The following SPATA6 variants were observed in gnomAD, a reference collection of about 807,000 sequenced individuals.
SPATA6 encodes the protein spermatogenesis associated 6.
A neutral mutation model predicts 65.3 loss-of-function variants in SPATA6; 56 were observed. That is an observed-to-expected ratio of 0.86 (90% confidence interval 0.69 to 1.07). The LOEUF is 1.07. Among genes scored for constraint, SPATA6 ranks in the 50% least tolerant of loss-of-function variants. The probability of loss-of-function intolerance (pLI) is 0.00; values close to 1 mark genes in which losing one functional copy is unlikely to be tolerated. For synonymous variants in SPATA6, 199 were observed against 213.2 expected (o/e 0.93, Z 0.58); for missense variants, 590 against 594.8 (o/e 0.99, Z 0.08).
chr1:48,319,009 T>A (rs1000963973), intron 11 of SPATA6, among the ~76,000 whole-genome samples: 1 of 152,080 alleles, frequency 6.6e-6, no homozygotes, highest in African/African-American at 2.4e-5. Context: ...CCAAGACAAT[T>A]CAATGGGGGA....
chr1:48,338,459 T>C (rs1434221236), intron 11 of SPATA6, among the ~76,000 whole-genome samples: 1 of 152,070 alleles, frequency 6.6e-6, no homozygotes, highest in Non-Finnish European at 1.5e-5. Context: ...TCACGATACT[T>C]AAGAGATAAG....
At chr1:48,377,355 T>C (rs1347094579) in intron 9 of SPATA6, among the ~76,000 whole-genome samples, 2 of 152,214 alleles carry the variant, frequency 1.3e-5, no homozygotes, top group Non-Finnish European at 2.9e-5. Flanking sequence ...TACCTATTCA[T>C]GTCTTTACTT....
At chr1:48,309,761 G>A (rs942197789) in intron 11 of SPATA6, among the ~76,000 whole-genome samples, 1 of 152,062 alleles carries the variant, frequency 6.6e-6, no homozygotes, top group African/African-American at 2.4e-5. Context: ...ATTCCTTTTT[G>A]TGGGTGATCA....
intron 3 of SPATA6, among the ~76,000 whole-genome samples, chr1:48,447,356 T>G (rs1018167279): frequency 6.6e-6 from 1 of 152,002 alleles, no homozygotes; most frequent in Non-Finnish European, 1.5e-5. Context: ...CCATGTCTAC[T>G]AAAAATACAA....
At chr1:48,407,269 G>T (rs572067555) in intron 5 of SPATA6, among the ~76,000 whole-genome samples, 31 of 152,222 alleles carry the variant, frequency 2.0e-4, no homozygotes, top group African/African-American at 7.2e-4. Context: ...CTTTTGGCTG[G>T]GCTCTCACTG....
chr1:48,387,467 C>T (rs1275314763), intron 8 of SPATA6, among the ~76,000 whole-genome samples: 1 of 152,194 alleles, frequency 6.6e-6, no homozygotes, highest in African/African-American at 2.4e-5. Context: ...TGCTCCCCAC[C>T]TGCCAGCTAG....
At chr1:48,463,442 T>C (rs534012545) in intron 1 of SPATA6, among the ~76,000 whole-genome samples, 48 of 152,268 alleles carry the variant, frequency 3.2e-4, no homozygotes, top group Admixed American at 1.5e-3. Flanking sequence ...GTTCATAAGC[T>C]AAAGTAGAAA....
chr1:48,431,131 C>A (rs922647236), intron 3 of SPATA6, among the ~76,000 whole-genome samples: 12 of 151,850 alleles, frequency 7.9e-5, no homozygotes, highest in Non-Finnish European at 1.8e-4. Flanking sequence ...ATACTAATAT[C>A]AGACAAAATA....
intron 3 of SPATA6, among the ~76,000 whole-genome samples, chr1:48,423,173 T>A (rs1466432412): frequency 6.6e-6 from 1 of 152,126 alleles, no homozygotes; most frequent in African/African-American, 2.4e-5. Context: ...GTCAGAAAAG[T>A]AGGCCGGGCA....
chr1:48,366,921 T>C (rs1160771230), intron 9 of SPATA6, among the ~76,000 whole-genome samples: 1 of 152,246 alleles, frequency 6.6e-6, no homozygotes, highest in East Asian at 1.9e-4. Flanking sequence ...CTGCTTTGTC[T>C]TGTGGGCATT....
Position 48,451,499 on chromosome 1 carries a change from T to A in SPATA6, c.238+53A>T, listed in dbSNP as rs1275644634. On this transcript the variant is annotated intron_variant, in intron 3 of 12. Transcript: ENST00000371847. Reference sequence around the variant, plus strand: ...AACCCAAGATTAAAGATCATAAGGATAATAAATCCTAAAATGTCTTAGAAT... The same window carrying A: ...AACCCAAGATTAAAGATCATAAGGAAAATAAATCCTAAAATGTCTTAGAAT... 4.6e-6 allele frequency: 7 copies of A among 1,535,502 alleles called. No individual in the cohort carries two copies. In the Admixed American group the frequency reaches 1.3e-4, roughly 28 times the overall value.
intron 11 of SPATA6, among the ~76,000 whole-genome samples, chr1:48,347,029 C>T (rs1646383624): frequency 6.6e-6 from 1 of 151,846 alleles, no homozygotes; most frequent in Non-Finnish European, 1.5e-5. Flanking sequence ...GCAAAAAGAA[C>T]AAAGTCAGAG....
At chr1:48,322,366 A>G (rs765479995) in intron 11 of SPATA6, among the ~76,000 whole-genome samples, 19 of 152,190 alleles carry the variant, frequency 1.2e-4, no homozygotes, top group Non-Finnish European at 2.6e-4. Context: ...GGCTAGCCAT[A>G]TGCAGAAAGA....
At chr1:48,388,847 T>G (rs1649763047) in intron 8 of SPATA6, among the ~76,000 whole-genome samples, 1 of 152,184 alleles carries the variant, frequency 6.6e-6, no homozygotes, top group Non-Finnish European at 1.5e-5. Flanking sequence ...TAGCTGGGAT[T>G]AGAGGCATGT....
At chr1:48,356,970 A>C (rs889778003) in intron 10 of SPATA6, among the ~76,000 whole-genome samples, 16 of 152,198 alleles carry the variant, frequency 1.1e-4, no homozygotes, top group African/African-American at 3.9e-4. Context: ...AAAATACATT[A>C]GCAGACTTTG....
intron 10 of SPATA6, 40 bp downstream of exon 10, chr1:48,359,546 T>C (rs1445887000): frequency 1.3e-6 from 2 of 1,567,072 alleles, no homozygotes; most frequent in Non-Finnish European, 1.7e-6. Flanking sequence ...ATACTTATTA[T>C]TCAAAGATCA....
At chr1:48,353,581 A>G (rs1646574101) in intron 11 of SPATA6, among the ~76,000 whole-genome samples, 1 of 151,966 alleles carries the variant, frequency 6.6e-6, no homozygotes. Flanking sequence ...TATACTGTGA[A>G]ACAAGGAATA....
At chr1:48,316,864 C>T (rs565718674) in intron 11 of SPATA6, among the ~76,000 whole-genome samples, 1 of 152,184 alleles carries the variant, frequency 6.6e-6, no homozygotes, top group African/African-American at 2.4e-5. Context: ...AAAAAGTGTG[C>T]AAAGGATATG....
chr1:48,353,206 A>C (rs530903077), intron 11 of SPATA6, among the ~76,000 whole-genome samples: 1 of 152,112 alleles, frequency 6.6e-6, no homozygotes, highest in South Asian at 2.1e-4. Context: ...ATAATAGATA[A>C]GCAAAAAAGA....
Sources: gnomAD v4.1 joint callset for allele counts (sites outside exome capture counted in the v4.1 genomes callset) on GRCh38, gnomAD v4.1.1 for gene constraint, MANE v1.5 for transcripts, NCBI Gene and HGNC (gene_info 2026-07-23, HGNC 2026-07-21) for gene names.